IGSF11: variants seen among roughly 807,000 people sequenced by gnomAD.
IGSF11 encodes the protein CXADR like 1.
Under a neutral mutation model 41.0 loss-of-function variants are expected in IGSF11, and 22 were observed. The ratio of observed to expected loss-of-function variants is 0.54; its 90% CI spans 0.38 to 0.77. The LOEUF (loss-of-function observed/expected upper bound fraction) is 0.77. Among genes scored for constraint, IGSF11 ranks in the 30% least tolerant of loss-of-function variants. The pLI is 0.00. For missense variants in IGSF11, 444 were observed against 530.8 expected, an observed-to-expected ratio of 0.84 and a Z score of 1.61; for synonymous variants, 219 against 201.3, an observed-to-expected ratio of 1.09 and a Z score of -0.74.
intron 4 of IGSF11, among the ~76,000 whole-genome samples, chr3:118,913,342 C>T (rs1346898261): frequency 6.6e-6 from 1 of 152,078 alleles, no homozygotes; most frequent in Non-Finnish European, 1.5e-5. Flanking sequence ...AAGCCCATAG[C>T]AGGATTAATA....
At chr3:118,962,023 C>T (rs1945370293) in intron 1 of IGSF11, among the ~76,000 whole-genome samples, 1 of 152,092 alleles carries the variant, frequency 6.6e-6, no homozygotes, top group South Asian at 2.1e-4. Flanking sequence ...AATTATATGG[C>T]CTGGACTCTG....
At chr3:119,017,480 T>C (rs527931228) in intron 1 of IGSF11, among the ~76,000 whole-genome samples, 5 of 152,342 alleles carry the variant, frequency 3.3e-5, no homozygotes, top group Admixed American at 6.5e-5. Context: ...GTGTGGTCCA[T>C]TGTTAACCAA....
chr3:118,902,475 G>T lies in IGSF11; in HGVS notation c.*45C>A. 1 of 523,284 alleles carries T rather than the reference G, an allele frequency of 1.9e-6. No individual in the cohort carries two copies. Among genetic ancestry groups the T allele is most frequent in the Non-Finnish European group, 3.6e-6 (1 of 274,168 alleles). The allele number at this position is 523,284 out of a possible 1,614,324, so 32.4% of individuals were successfully genotyped here. On this transcript the variant is annotated 3_prime_UTR_variant, in exon 7 of 7. Transcript: ENST00000393775. ...CCACCCCACCCTCCCCCTTGTATGA[G>T]GGCATTCCATTTATTCATTTCTGAA... is the stretch of plus-strand genomic sequence containing the variant.
intron 1 of IGSF11, among the ~76,000 whole-genome samples, chr3:119,059,422 G>C (rs772129371): frequency 1.3e-5 from 2 of 152,110 alleles, no homozygotes; most frequent in South Asian, 2.1e-4. Flanking sequence ...AAGGGTGGAG[G>C]GTGGTGATTA....
intron 1 of IGSF11, among the ~76,000 whole-genome samples, chr3:118,972,282 A>G (rs1265380005): frequency 1.3e-5 from 2 of 152,194 alleles, no homozygotes; most frequent in Non-Finnish European, 2.9e-5. Context: ...TAAGTACTGT[A>G]ACCTAAAAAG....
chr3:119,037,609 G>T (rs1940964813), upstream of IGSF11, among the ~76,000 whole-genome samples: 1 of 152,150 alleles, frequency 6.6e-6, no homozygotes, highest in Non-Finnish European at 1.5e-5. Context: ...CTGCTATATG[G>T]CACCTTTGAC....
chr3:118,918,808 C>A (rs1941444918), intron 4 of IGSF11, among the ~76,000 whole-genome samples: 1 of 141,642 alleles, frequency 7.1e-6, no homozygotes, highest in Non-Finnish European at 1.5e-5. Flanking sequence ...CAAGTCAATC[C>A]TAAGCCAAAA....
At chr3:118,966,019 C>T (rs1030381904) in intron 1 of IGSF11, among the ~76,000 whole-genome samples, 3 of 149,752 alleles carry the variant, frequency 2.0e-5, no homozygotes, top group African/African-American at 7.4e-5. Flanking sequence ...AAAAAAAAAA[C>T]AGAAGAGTAA....
At position 118,902,266 on chromosome 3, in the gene IGSF11, C is replaced by T. The variant is rs902152886; in HGVS notation, c.*254G>A. On this transcript the variant is annotated 3_prime_UTR_variant, in exon 7 of 7. Transcript: ENST00000393775. ...TACTATTCTGCTCTTGTATCTTTTTCCTTGGCTTGGCACATCTTTGAGATC... is the reference window on the plus strand; with the variant it reads ...TACTATTCTGCTCTTGTATCTTTTTTCTTGGCTTGGCACATCTTTGAGATC... 6 of 437,742 alleles carry T rather than the reference C, an allele frequency of 1.4e-5. No homozygotes were observed. The highest frequency in any genetic ancestry group is 9.8e-5 in the African/African-American group (5 of 51,238). The allele number at this position is 437,742 out of a possible 1,614,324, so 27.1% of individuals were successfully genotyped here. A position where few individuals can be genotyped will look rare whatever the true frequency, so the allele number is the denominator to read the frequency against.
chr3:118,971,435 T>C (rs1219222491), intron 1 of IGSF11, among the ~76,000 whole-genome samples: 1 of 152,102 alleles, frequency 6.6e-6, no homozygotes, highest in Non-Finnish European at 1.5e-5. Context: ...AATTTTAAGG[T>C]ATGTTTCCTT....
At chr3:119,069,051 C>T (rs546154805) in intron 1 of IGSF11, among the ~76,000 whole-genome samples, 40 of 151,558 alleles carry the variant, frequency 2.6e-4, no homozygotes, top group Non-Finnish European at 3.7e-4. Context: ...CTCAGCCTCC[C>T]GAGTAGCTGG....
chr3:119,087,377 C>T (rs1248342134), intron 1 of IGSF11, among the ~76,000 whole-genome samples: 2 of 118,742 alleles, frequency 1.7e-5, no homozygotes, highest in Non-Finnish European at 3.1e-5. Flanking sequence ...ATGTTATACA[C>T]ACACACACAC....
chr3:119,106,255 G>C (rs9833424), upstream of IGSF11, among the ~76,000 whole-genome samples: 37,503 of 152,034 alleles, frequency 0.25, 4,942 homozygotes, highest in Admixed American at 0.33. Flanking sequence ...CAATTAAATT[G>C]TTATTGACTA....
intron 1 of IGSF11, among the ~76,000 whole-genome samples, chr3:118,971,927 G>A (rs529965802): frequency 6.6e-6 from 1 of 152,110 alleles, no homozygotes; most frequent in Non-Finnish European, 1.5e-5. Context: ...AGAATGGCAT[G>A]TTTAAGATAA....
intron 1 of IGSF11, among the ~76,000 whole-genome samples, chr3:119,132,898 T>C (rs2077504352): frequency 6.6e-6 from 1 of 152,006 alleles, no homozygotes; most frequent in African/African-American, 2.4e-5. Context: ...AATTAAAACT[T>C]AATACTAAGA....
Position 118,900,724 on chromosome 3 carries a change from T to C in IGSF11, c.*1796A>G, listed in dbSNP as rs1308058386. ...TTCTAAACAGCATCTGATAGCATCA[T>C]CTTTTCAGTGTCATGGTATTTTCAC... On this transcript the variant is annotated 3_prime_UTR_variant, in exon 7 of 7. Coordinates refer to ENST00000393775, the MANE Select transcript of IGSF11 (RefSeq NM_001015887.3). 6.6e-6 allele frequency: 1 copy of C among 152,644 alleles called. No homozygotes were observed. Among genetic ancestry groups the C allele is most frequent in the Non-Finnish European group, 1.5e-5 (1 of 68,032 alleles). The allele number at this position is 152,644 out of a possible 1,614,324, so 9.5% of individuals were successfully genotyped here. A position where few individuals can be genotyped will look rare whatever the true frequency, so the allele number is the denominator to read the frequency against.
At chr3:118,952,007 A>C (rs528804166) in intron 1 of IGSF11, among the ~76,000 whole-genome samples, 59 of 152,264 alleles carry the variant, frequency 3.9e-4, no homozygotes, top group African/African-American at 1.3e-3. Context: ...AGACCACCAA[A>C]ATAAGGTAAA....
intron 1 of IGSF11, among the ~76,000 whole-genome samples, chr3:119,135,995 T>C (rs1303652725): frequency 1.3e-5 from 2 of 152,140 alleles, no homozygotes; most frequent in Non-Finnish European, 2.9e-5. Flanking sequence ...TTCTCACTCA[T>C]AGGTGGGAAC....
intron 4 of IGSF11, among the ~76,000 whole-genome samples, chr3:118,922,814 T>C (rs557064061): frequency 1.3e-5 from 2 of 152,260 alleles, no homozygotes; most frequent in African/African-American, 2.4e-5. Flanking sequence ...GGTTTCCAGA[T>C]GATGATGTCT....
Sources: gnomAD v4.1 joint callset for allele counts (sites outside exome capture counted in the v4.1 genomes callset) on GRCh38, gnomAD v4.1.1 for gene constraint, MANE v1.5 for transcripts, NCBI Gene and HGNC (gene_info 2026-07-23, HGNC 2026-07-21) for gene names.